Variants in TMEM109 observed in about 807,000 individuals in gnomAD.
TMEM109 encodes voltage-gated monoatomic cation channel TMEM109.
Under a neutral mutation model 26.4 loss-of-function variants are expected in TMEM109, and 19 were observed. That is an observed-to-expected ratio of 0.72 (90% CI 0.50 to 1.06). The LOEUF (loss-of-function observed/expected upper bound fraction) is 1.06, where lower values mean the gene tolerates loss of function less well. Ranked by LOEUF, TMEM109 falls within the 50% of genes least tolerant of loss-of-function variation. The pLI is 0.00. For synonymous variants in TMEM109, 129 were observed against 142.0 expected (o/e 0.91, Z 0.65); for missense variants, 262 against 303.4 (o/e 0.86, Z 1.01).
At chr11:60,914,417 C>G (rs1446268827) in intron 1 of TMEM109, 149 bp downstream of exon 1, 1 of 152,336 alleles carries the variant, frequency 6.6e-6, no homozygotes, top group Non-Finnish European at 1.5e-5. Context: ...AACCGGGGAC[C>G]CGGATCCCCG....
chr11:60,917,394 T>A (rs1856184854), intron 1 of TMEM109, among the ~76,000 whole-genome samples: 1 of 152,176 alleles, frequency 6.6e-6, no homozygotes, highest in African/African-American at 2.4e-5. Context: ...ACAGGTTCAT[T>A]TCTGAACCTG....
At position 60,921,875 on chromosome 11, in the gene TMEM109, C is replaced by A. The variant is rs375042502; in HGVS notation, c.442C>A (p.Leu148Ile). Reference protein sequence around the residue: ...ALVVYWLLSLLLGLVLALLGR... With the variant: ...ALVVYWLLSLILGLVLALLGR... ...GGTCGTCTACTGGCTGCTGTCTCTG[C>A]TCCTCGGCTTGGTCTTGGCCTTGCT... The change falls in exon 4 of 4, where the codon CTC (leucine) becomes ATC (isoleucine). Residue 148 changes from leucine (L) to isoleucine (I), a missense_variant. By Grantham distance (5) the Leu-to-Ile change is conservative. Coordinates refer to ENST00000227525, the MANE Select transcript of TMEM109 (RefSeq NM_024092.3). The A allele has an allele frequency of 6.2e-7, 1 of 1,614,106 alleles. No individual in the cohort carries two copies. Among genetic ancestry groups the A allele is most frequent in the Non-Finnish European group, 8.5e-7 (1 of 1,180,044 alleles).
At chr11:60,914,371 A>G (rs1000671663) in intron 1 of TMEM109, 103 bp downstream of exon 1, 2 of 152,222 alleles carry the variant, frequency 1.3e-5, no homozygotes, top group African/African-American at 2.4e-5. Flanking sequence ...GGAGAGTCCG[A>G]GTGGGGAGGG....
chr11:60,919,660 A>G, intron 1 of TMEM109, 26 bp from the exon 2 acceptor site: 1 of 1,583,314 alleles, frequency 6.3e-7, no homozygotes, highest in Non-Finnish European at 8.7e-7. Flanking sequence ...CATGGCACTC[A>G]GCTCACTGTG....
At position 60,922,291 on chromosome 11, in the gene TMEM109, TGCC is replaced by T; in HGVS notation, c.*129_*131del. ...TCTGAACCTTCAGAACATTGATCCT[TGCC>T]GCAGCCCCACTAGCCAAGAGAAACA... On this transcript the variant is annotated 3_prime_UTR_variant, in exon 4 of 4. Transcript: ENST00000227525. The T allele has an allele frequency of 6.5e-7, 1 of 1,542,132 alleles. No individual in the cohort carries two copies. Among genetic ancestry groups the T allele is most frequent in the Non-Finnish European group, 8.7e-7 (1 of 1,146,752 alleles).
At chr11:60,921,613 A>G (rs530772093) in intron 3 of TMEM109, among the ~76,000 whole-genome samples, 161 bp from the exon 4 acceptor site, 6 of 152,324 alleles carry the variant, frequency 3.9e-5, no homozygotes, top group African/African-American at 1.4e-4. Context: ...CACAGCCAGC[A>G]AGAAACAGAG....
Position 60,919,729 on chromosome 11 carries a change from G to A in TMEM109, c.36G>A (p.Lys12=), listed in dbSNP as rs767899118. The A allele has an allele frequency of 2.5e-6, 4 of 1,614,206 alleles. No homozygotes were observed. In the Middle Eastern group the frequency reaches 4.9e-4, roughly 200 times the overall value. Residue 12 remains lysine, a synonymous_variant, in exon 2 of 4, where the codon AAG becomes AAA. Coordinates refer to ENST00000227525, the MANE Select transcript of TMEM109 (RefSeq NM_024092.3). ...AASSISSPWG[K]HVFKAILMVL... is the part of the protein sequence containing the mutation. ...CCAGCATCAGTTCACCATGGGGAAA[G>A]CATGTGTTCAAAGCCATTCTGATGG...
chr11:60,915,537 G>C (rs901194064), intron 1 of TMEM109, among the ~76,000 whole-genome samples: 8 of 152,226 alleles, frequency 5.3e-5, no homozygotes, highest in Non-Finnish European at 7.3e-5. Context: ...CCTGGGTGGG[G>C]CAGACGTCCT....
Position 60,921,769 on chromosome 11 carries a change from T to A in TMEM109, c.341-5T>A, listed in dbSNP as rs764065933. ...GGCTGACTCTGTGACTCTCTTGGCT[T>A]CCAGGTGATTACCTCGCCCAGGGCC... On this transcript the variant is annotated splice_region_variant and splice_polypyrimidine_tract_variant and intron_variant, in intron 3 of 3. Coordinates refer to ENST00000227525, the MANE Select transcript of TMEM109 (RefSeq NM_024092.3). The A allele has an allele frequency of 1.2e-6, 2 of 1,605,480 alleles. No individual in the cohort carries two copies. Among genetic ancestry groups the A allele is most frequent in the East Asian group, 4.5e-5 (2 of 44,832 alleles).
chr11:60,922,121 C>A lies in TMEM109; in HGVS notation c.688C>A (p.Gln230Lys). The change falls in exon 4 of 4, where the codon CAG (glutamine) becomes AAG (lysine). Residue 230 changes from glutamine (Q) to lysine (K), a missense_variant. Transcript: ENST00000227525. The part of the protein sequence containing the change: ...ERQVEELRWR[Q>K]RRAAKGARSV... ...CCAGGTGGAGGAGCTGCGCTGGCGC[C>A]AGAGGCGAGCGGCCAAGGGGGCCCG... 6.2e-7 allele frequency: 1 copy of A among 1,610,152 alleles called. No individual in the cohort carries two copies. The highest frequency in any genetic ancestry group is 8.5e-7 in the Non-Finnish European group (1 of 1,178,494).
In TMEM109 at chr11:60,922,698, G is replaced by T. The variant is rs965233460; in HGVS notation, c.*533G>T. ...TGCCCAGCAGTAGGGAGGGGCAGGG[G>T]TAAGGGGACCTGAGGATAAAGGGTG... On this transcript the variant is annotated 3_prime_UTR_variant, in exon 4 of 4. Coordinates refer to ENST00000227525, the MANE Select transcript of TMEM109 (RefSeq NM_024092.3). 4.1e-6 allele frequency: 1 copy of T among 246,356 alleles called. No individual in the cohort carries two copies. Among genetic ancestry groups the T allele is most frequent in the Admixed American group, 4.7e-5 (1 of 21,170 alleles). The allele number at this position is 246,356 out of a possible 1,614,324, so 15.3% of individuals were successfully genotyped here.
chr11:60,922,258 G>T lies in TMEM109; in HGVS notation c.*93G>T. On this transcript the variant is annotated 3_prime_UTR_variant, in exon 4 of 4. Coordinates refer to ENST00000227525, the MANE Select transcript of TMEM109 (RefSeq NM_024092.3). ...CCTGCCAGCCCCCTGCCCTTTTCTT[G>T]CCCTGTCTCTGAACCTTCAGAACAT... 6.5e-7 allele frequency: 1 copy of T among 1,547,086 alleles called. No homozygotes were observed. The highest frequency in any genetic ancestry group is 8.7e-7 in the Non-Finnish European group (1 of 1,146,832).
At chr11:60,921,151 A>G (rs912103133) in intron 3 of TMEM109, among the ~76,000 whole-genome samples, 163 bp downstream of exon 3, 5 of 152,170 alleles carry the variant, frequency 3.3e-5, no homozygotes, top group Non-Finnish European at 2.9e-5. Context: ...TACCATGGCC[A>G]GGTGTGGTGG....
At position 60,922,412 on chromosome 11, in the gene TMEM109, G is replaced by A; in HGVS notation, c.*247G>A. On this transcript the variant is annotated 3_prime_UTR_variant, in exon 4 of 4. Transcript: ENST00000227525. ...TCTCTTAACCCTTTCTCTGCTCCCA[G>A]CCTGCCTCACCAGGGAAGGTTGGAG... 6.6e-7 allele frequency: 1 copy of A among 1,503,940 alleles called. No individual in the cohort carries two copies. Among genetic ancestry groups the A allele is most frequent in the African/African-American group, 1.4e-5 (1 of 72,526 alleles). 93.2% of individuals were successfully genotyped at this position (1,503,940 alleles called of 1,614,324 possible).
chr11:60,918,136 G>T (rs916176384), intron 1 of TMEM109, among the ~76,000 whole-genome samples: 20 of 152,182 alleles, frequency 1.3e-4, no homozygotes, highest in African/African-American at 4.6e-4. Context: ...ACACCTACCC[G>T]ATGGGCTGTT....
At chr11:60,914,848 C>G (rs768883916) in intron 1 of TMEM109, among the ~76,000 whole-genome samples, 1 of 152,258 alleles carries the variant, frequency 6.6e-6, no homozygotes, top group Non-Finnish European at 1.5e-5. Flanking sequence ...TTAGTGGGAG[C>G]TGCCCCCAAC....
At chr11:60,915,755 G>A (rs1856167337) in intron 1 of TMEM109, among the ~76,000 whole-genome samples, 1 of 152,154 alleles carries the variant, frequency 6.6e-6, no homozygotes, top group Non-Finnish European at 1.5e-5. Flanking sequence ...TGGGAGGGGG[G>A]GGCGCGAAAT....
chr11:60,915,897 C>A (rs186452300), intron 1 of TMEM109, among the ~76,000 whole-genome samples: 1 of 152,158 alleles, frequency 6.6e-6, no homozygotes, highest in Admixed American at 6.5e-5. Context: ...TTGCAGCTGC[C>A]GAACAGAAGT....
Position 60,921,934 on chromosome 11 carries a change from C to T in TMEM109, c.501C>T (p.Ile167=), listed in dbSNP as rs143462464. ...TCCTGTGGGGCCTGAAGCTTGTCAT[C>T]TTCCTGGCCGGCTTCGTGGCCCTGA... ...GRILWGLKLV[I]FLAGFVALMR... is the part of the protein sequence containing the mutation. Residue 167 remains isoleucine (I), a synonymous_variant, in exon 4 of 4, where the codon ATC becomes ATT. Coordinates refer to ENST00000227525, the MANE Select transcript of TMEM109 (RefSeq NM_024092.3). 45 of 1,614,202 alleles carry T rather than the reference C, an allele frequency of 2.8e-5. No homozygotes were observed. The highest frequency in any genetic ancestry group is 3.6e-5 in the Non-Finnish European group (43 of 1,180,040).
Sources: allele counts gnomAD v4.1 joint callset (sites outside exome capture counted in the v4.1 genomes callset), GRCh38; gene constraint gnomAD v4.1.1; transcripts MANE v1.5; gene names NCBI Gene and HGNC (gene_info 2026-07-23, HGNC 2026-07-21).